The following USH2A variants were observed in gnomAD, a reference collection of about 807,000 sequenced individuals.
USH2A encodes the protein usherin.
A neutral mutation model predicts 538.9 loss-of-function variants in USH2A; 443 were observed. The ratio of observed to expected loss-of-function variants is 0.82; its 90% CI spans 0.76 to 0.89. USH2A has a LOEUF of 0.89. USH2A is among the 40% of genes least tolerant of loss of function. The pLI is 0.00. For synonymous variants in USH2A, 2,413 were observed against 2,273.5 expected, an observed-to-expected ratio of 1.06 and a Z score of -1.75; for missense variants, 6,633 against 6,324.8, an observed-to-expected ratio of 1.05 and a Z score of -1.65.
At chr1:215,998,464 C>T (rs918977664) in intron 34 of USH2A, among the ~76,000 whole-genome samples, 10 of 151,988 alleles carry the variant, frequency 6.6e-5, no homozygotes, top group Non-Finnish European at 1.2e-4. Context: ...GAATATTTGA[C>T]GGTCATTTAA....
At chr1:216,043,825 C>T (rs909132849) in intron 32 of USH2A, among the ~76,000 whole-genome samples, 1 of 152,096 alleles carries the variant, frequency 6.6e-6, no homozygotes, top group East Asian at 1.9e-4. Context: ...CCATTAGCTG[C>T]ACCACTTCCC....
intron 41 of USH2A, among the ~76,000 whole-genome samples, chr1:215,880,077 G>A (rs1664868483): frequency 6.6e-6 from 1 of 152,130 alleles, no homozygotes; most frequent in Non-Finnish European, 1.5e-5. Context: ...TTAGAGTCAT[G>A]TTTTGTTAGA....
intron 38 of USH2A, among the ~76,000 whole-genome samples, chr1:215,909,857 A>G (rs1665732209): frequency 6.6e-6 from 1 of 151,980 alleles, no homozygotes; most frequent in Non-Finnish European, 1.5e-5. Flanking sequence ...GTAGGGATGT[A>G]GAGAATGAAA....
At chr1:216,327,080 C>G (rs1223675373) in intron 5 of USH2A, among the ~76,000 whole-genome samples, 1 of 152,078 alleles carries the variant, frequency 6.6e-6, no homozygotes, top group Non-Finnish European at 1.5e-5. Flanking sequence ...ATTATTTGTT[C>G]ACTGAAAATA....
At chr1:215,701,794 T>C (rs570772288) in intron 61 of USH2A, among the ~76,000 whole-genome samples, 4 of 152,340 alleles carry the variant, frequency 2.6e-5, no homozygotes, top group South Asian at 2.1e-4. Flanking sequence ...GTGTCTTTTA[T>C]TGGGGCATTT....
intron 63 of USH2A, among the ~76,000 whole-genome samples, chr1:215,672,934 C>A (rs1657872808): frequency 6.6e-6 from 1 of 152,138 alleles, no homozygotes; most frequent in Non-Finnish European, 1.5e-5. Context: ...AACTCTTTCA[C>A]CTCTAGAATA....
Position 215,782,910 on chromosome 1 carries a change from T to A in USH2A, c.10413A>T (p.Thr3471=), listed in dbSNP as rs530322386. ...TCCAGGCAGAAATCCTGTACTCATA[T>A]GTCATGTAGGGCTTGAGGTTCACAT... The part of the protein sequence containing the change: ...YTDVNLKPYM[T]YEYRISAWNS... Residue 3471 remains threonine, a synonymous_variant, in exon 53 of 72, where the codon ACA becomes ACT. Transcript: ENST00000307340. 6 of 1,613,656 alleles carry A rather than the reference T, an allele frequency of 3.7e-6. No individual in the cohort carries two copies. The highest frequency in any genetic ancestry group is 2.2e-5 in the South Asian group (2 of 91,054).
intron 61 of USH2A, among the ~76,000 whole-genome samples, chr1:215,723,647 G>A (rs912738197): frequency 1.3e-5 from 2 of 152,324 alleles, no homozygotes; most frequent in South Asian, 2.1e-4. Context: ...TAATGGAGAA[G>A]GTTCTGTAGT....
intron 46 of USH2A, 114 bp from the exon 47 acceptor site, chr1:215,838,217 C>T: frequency 3.6e-6 from 3 of 843,242 alleles, no homozygotes; most frequent in South Asian, 2.8e-5. Flanking sequence ...TTCTCTATAG[C>T]CTCTTGAGGT....
intron 22 of USH2A, among the ~76,000 whole-genome samples, chr1:216,090,520 C>G (rs985812893): frequency 6.6e-6 from 1 of 151,172 alleles, no homozygotes; most frequent in African/African-American, 2.4e-5. Flanking sequence ...TTACAGACAA[C>G]TCCATCAGCT....
At chr1:215,894,811 C>A (rs932823338) in intron 40 of USH2A, among the ~76,000 whole-genome samples, 8 of 152,176 alleles carry the variant, frequency 5.3e-5, no homozygotes, top group African/African-American at 1.9e-4. Flanking sequence ...ACAGGACAAC[C>A]TGAGAGTCCC....
At chr1:215,846,433 C>CA (rs1663848056) in intron 44 of USH2A, among the ~76,000 whole-genome samples, 1 of 152,098 alleles carries the variant, frequency 6.6e-6, no homozygotes, top group Non-Finnish European at 1.5e-5. Flanking sequence ...AGGATGGCCT[C>CA]AAACTTCTGG....
intron 43 of USH2A, 146 bp from the exon 44 acceptor site, chr1:215,867,316 A>G: frequency 1.1e-6 from 1 of 928,648 alleles, no homozygotes; most frequent in South Asian, 1.7e-5. Flanking sequence ...TAGAAAATAC[A>G]TTATTTTATT....
intron 11 of USH2A, among the ~76,000 whole-genome samples, chr1:216,252,180 T>C (rs1006663378): frequency 6.6e-6 from 1 of 152,226 alleles, no homozygotes; most frequent in Admixed American, 6.5e-5. Flanking sequence ...AATACTGTGT[T>C]GATTAAAGAA....
intron 32 of USH2A, among the ~76,000 whole-genome samples, chr1:216,036,032 G>A (rs2029934474): frequency 1.3e-5 from 2 of 152,260 alleles, no homozygotes; most frequent in South Asian, 4.1e-4. Flanking sequence ...GTCAAATGAA[G>A]ATGTGGGAAT....
rs978858096 is a variant in USH2A at position 215,770,545 on chromosome 1, G to T, written c.10940-3757C>A. ...GTCTGTTTTTAATTCTCTTTTCATT[G>T]GACTCTATACATTATCTAAATATAT... On this transcript the variant is annotated intron_variant, in intron 55 of 71. Transcript: ENST00000307340. Among the ~76,000 whole-genome samples, 15 of 152,032 alleles carry T rather than the reference G, an allele frequency of 9.9e-5. No homozygotes were observed. In the South Asian group the frequency reaches 1.7e-3, roughly 17 times the overall value.
chr1:215,817,625 A>G (rs1159881756), intron 47 of USH2A, among the ~76,000 whole-genome samples: 1 of 151,998 alleles, frequency 6.6e-6, no homozygotes, highest in Admixed American at 6.6e-5. Flanking sequence ...GAACACCATG[A>G]TGGGACTCCT....
intron 10 of USH2A, among the ~76,000 whole-genome samples, chr1:216,291,085 T>C (rs1044589127): frequency 6.6e-6 from 1 of 152,162 alleles, no homozygotes; most frequent in Non-Finnish European, 1.5e-5. Flanking sequence ...GTGTATCTTT[T>C]AATAACAAGT....
At chr1:216,376,204 T>C (rs1015941270) in intron 3 of USH2A, among the ~76,000 whole-genome samples, 2 of 152,148 alleles carry the variant, frequency 1.3e-5, no homozygotes, top group African/African-American at 4.8e-5. Flanking sequence ...CCATAAACCT[T>C]CACTTTGTAA....
Sources: gnomAD v4.1 joint callset for allele counts (sites outside exome capture counted in the v4.1 genomes callset) on GRCh38, gnomAD v4.1.1 for gene constraint, MANE v1.5 for transcripts, NCBI Gene and HGNC (gene_info 2026-07-23, HGNC 2026-07-21) for gene names.